The following CCDC73 variants were observed in gnomAD, a reference collection of about 807,000 sequenced individuals.
The protein encoded by CCDC73 is coiled-coil domain-containing protein 73.
CCDC73 carries 95 observed loss-of-function variants against 116.5 expected under a neutral mutation model. That is an observed-to-expected ratio of 0.82 (90% CI 0.69 to 0.97). The LOEUF is 0.97. CCDC73 is among the 50% of genes least tolerant of loss of function. The pLI, the probability that CCDC73 is intolerant of heterozygous loss-of-function variation, is 0.00. For synonymous variants in CCDC73, 398 were observed against 401.3 expected, an observed-to-expected ratio of 0.99 and a Z score of 0.10; for missense variants, 1,066 against 1,206.8, an observed-to-expected ratio of 0.88 and a Z score of 1.73.
intron 14 of CCDC73, among the ~76,000 whole-genome samples, chr11:32,625,141 C>T (rs1470025456): frequency 1.3e-5 from 2 of 152,176 alleles, no homozygotes; most frequent in Non-Finnish European, 2.9e-5. Context: ...GGTAGATCTT[C>T]CTCCATCCCT....
chr11:32,715,149 G>A (rs1509886), intron 3 of CCDC73, among the ~76,000 whole-genome samples: 1 of 151,946 alleles, frequency 6.6e-6, no homozygotes, highest in African/African-American at 2.4e-5. Context: ...TCTTAATCCA[G>A]CCCCTTAAGT....
At chr11:32,673,474 T>C (rs1248432095) in intron 9 of CCDC73, among the ~76,000 whole-genome samples, 4 of 152,200 alleles carry the variant, frequency 2.6e-5, no homozygotes, top group Non-Finnish European at 5.9e-5. Context: ...TGGTATTTTT[T>C]TCCTTTTAAA....
At chr11:32,615,874 C>A in intron 15 of CCDC73, 66 bp downstream of exon 15, 1 of 1,360,512 alleles carries the variant, frequency 7.4e-7, no homozygotes, top group Non-Finnish European at 1.0e-6. Context: ...ATGTAATTTT[C>A]CCAAAAATAT....
the CCDC73 span, among the ~76,000 whole-genome samples, chr11:32,821,833 C>T: frequency 6.6e-6 from 1 of 152,200 alleles, no homozygotes; most frequent in Non-Finnish European, 1.5e-5. Context: ...ATTTCTGCAC[C>T]TGTTTGTCAA....
At chr11:32,629,419 T>A (rs775927031) in intron 14 of CCDC73, among the ~76,000 whole-genome samples, 673 of 13,688 alleles carry the variant, frequency 0.049, 5 homozygotes, top group Non-Finnish European at 0.099. Context: ...ATAAAGACAC[T>A]TTTTTTTTTT....
At chr11:32,652,754 C>T (rs1312496770) in intron 12 of CCDC73, among the ~76,000 whole-genome samples, 1 of 152,108 alleles carries the variant, frequency 6.6e-6, no homozygotes, top group African/African-American at 2.4e-5. Flanking sequence ...CTTCTGAGAG[C>T]TGGCTGAATG....
chr11:32,673,139 C>T (rs897493674), intron 9 of CCDC73, among the ~76,000 whole-genome samples: 4 of 152,128 alleles, frequency 2.6e-5, no homozygotes, highest in African/African-American at 9.7e-5. Flanking sequence ...ACAAAAAATA[C>T]ACACAGATGA....
chr11:32,670,685 T>G (rs976125729), intron 9 of CCDC73, among the ~76,000 whole-genome samples: 2 of 152,188 alleles, frequency 1.3e-5, no homozygotes, highest in South Asian at 4.1e-4. Context: ...TTCTAAAAGT[T>G]TTTTCCTCTT....
At chr11:32,824,779 T>C in the CCDC73 span, among the ~76,000 whole-genome samples, 23 of 152,180 alleles carry the variant, frequency 1.5e-4, no homozygotes, top group Non-Finnish European at 2.8e-4. Flanking sequence ...AAAATCCATA[T>C]TTTATACTTC....
the CCDC73 span, among the ~76,000 whole-genome samples, chr11:32,827,218 G>A: frequency 6.6e-6 from 1 of 152,086 alleles, no homozygotes; most frequent in Non-Finnish European, 1.5e-5. Flanking sequence ...AATACAGCAA[G>A]GAAATAATAG....
chr11:32,803,941 AGACTACAGGTGTAT>A, the CCDC73 span, among the ~76,000 whole-genome samples: 2 of 151,310 alleles, frequency 1.3e-5, no homozygotes, highest in South Asian at 4.2e-4. Context: ...TGAATAGCTG[AGACTACAGGTGTAT>A]GCCACAGCAC....
At chr11:32,788,591 C>A (rs909266197) in intron 1 of CCDC73, among the ~76,000 whole-genome samples, 36 of 151,894 alleles carry the variant, frequency 2.4e-4, no homozygotes, top group African/African-American at 8.2e-4. Flanking sequence ...CCTCCCACCT[C>A]AGCCTCCCAA....
chr11:32,776,235 T>C (rs1850531281), intron 1 of CCDC73, among the ~76,000 whole-genome samples: 1 of 152,178 alleles, frequency 6.6e-6, no homozygotes, highest in South Asian at 2.1e-4. Flanking sequence ...AGACATGAAT[T>C]ATAATCACCT....
At chr11:32,612,359 C>T (rs1398001974) in intron 16 of CCDC73, among the ~76,000 whole-genome samples, 2 of 151,780 alleles carry the variant, frequency 1.3e-5, no homozygotes, top group African/African-American at 4.8e-5. Flanking sequence ...CCATTTTCCT[C>T]ATGATCATAC....
At chr11:32,647,953 C>G (rs1490003161) in intron 12 of CCDC73, among the ~76,000 whole-genome samples, 1 of 151,992 alleles carries the variant, frequency 6.6e-6, no homozygotes, top group Non-Finnish European at 1.5e-5. Flanking sequence ...TAATATCTAA[C>G]AACCAGCCCC....
intron 6 of CCDC73, among the ~76,000 whole-genome samples, chr11:32,693,995 A>C (rs1308090605): frequency 6.6e-6 from 1 of 152,242 alleles, no homozygotes; most frequent in Non-Finnish European, 1.5e-5. Flanking sequence ...TTCCCTTTGA[A>C]AACTGGCACA....
At chr11:32,797,777 C>T (rs1850736677), upstream of CCDC73, among the ~76,000 whole-genome samples, 1 of 152,164 alleles carries the variant, frequency 6.6e-6, no homozygotes, top group Non-Finnish European at 1.5e-5. Context: ...CCTGACTCTG[C>T]CATTTACTAG....
rs1429747003 is a variant in CCDC73 at position 32,633,824 on chromosome 11, A to G, written c.1185+1872T>C. Among the ~76,000 whole-genome samples the G allele has an allele frequency of 4.6e-5, 7 of 152,280 alleles. No individual in the cohort carries two copies. The South Asian group carries it at 1.4e-3, about 32-fold the overall frequency. The stretch of plus-strand genomic sequence containing the variant: ...AAAGCAGTTGTTCAGAATAAACCAC[A>G]TTGTTTGTACTAATAGTTTAGGTAC... On this transcript the variant is annotated intron_variant, in intron 14 of 17. Transcript: ENST00000335185.
the CCDC73 span, among the ~76,000 whole-genome samples, chr11:32,801,801 A>G: frequency 6.6e-6 from 1 of 152,200 alleles, no homozygotes; most frequent in African/African-American, 2.4e-5. Context: ...CCACATGGAA[A>G]AGTCAAAAGG....
Sources: gnomAD v4.1 joint callset for allele counts (sites outside exome capture counted in the v4.1 genomes callset) on GRCh38, gnomAD v4.1.1 for gene constraint, MANE v1.5 for transcripts, NCBI Gene and HGNC (gene_info 2026-07-23, HGNC 2026-07-21) for gene names.